OPHN1: variants seen among roughly 807,000 people sequenced by gnomAD.
OPHN1 encodes the protein oligophrenin 1.
In OPHN1, 11 loss-of-function variants were observed where a neutral mutation model predicts 60.7. The ratio of observed to expected loss-of-function variants is 0.18; its 90% CI spans 0.11 to 0.30. OPHN1 has a LOEUF of 0.30. OPHN1 is among the 10% of genes least tolerant of loss of function. The pLI, the probability that OPHN1 is intolerant of heterozygous loss-of-function variation, is 1.00. For synonymous variants in OPHN1, 226 were observed against 222.6 expected (o/e 1.02, Z -0.14); for missense variants, 449 against 611.0 (o/e 0.73, Z 2.80).
At chrX:68,051,442 C>A (rs1340315026) in intron 23 of OPHN1, among the ~76,000 whole-genome samples, 2 of 111,378 alleles carry the variant, frequency 1.8e-5, no homozygotes, top group African/African-American at 6.5e-5. Context: ...ATCATATTCC[C>A]AGGCCCCACT....
At chrX:68,275,610 A>G (rs2077988635) in intron 4 of OPHN1, among the ~76,000 whole-genome samples, 1 of 111,665 alleles carries the variant, frequency 9.0e-6, no homozygotes, top group African/African-American at 3.3e-5. Flanking sequence ...TTTGGGAATC[A>G]TTGCATTAAT....
At chrX:68,081,670 G>C (rs2076975065) in intron 19 of OPHN1, among the ~76,000 whole-genome samples, 1 of 111,893 alleles carries the variant, frequency 8.9e-6, no homozygotes, top group Non-Finnish European at 1.9e-5. Context: ...AAAAAATGCT[G>C]ACAATCACCA....
At position 68,063,943 on chromosome X, in the gene OPHN1, T is replaced by C. The variant is rs769419459; in HGVS notation, c.2069A>G (p.Asn690Ser). The C allele has an allele frequency of 7.5e-6, 9 of 1,203,984 alleles. No homozygotes were observed. Among genetic ancestry groups the C allele is most frequent in the Admixed American group, 2.2e-5 (1 of 45,389 alleles). The change falls in exon 21 of 25, where the codon AAT (asparagine) becomes AGT (serine). Residue 690 changes from asparagine (N) to serine (S), a missense_variant. This residue lies in a region of OPHN1 where 184 missense variants were observed against 160.5 expected (regional missense o/e 1.15). Coordinates refer to ENST00000355520, the MANE Select transcript of OPHN1 (RefSeq NM_002547.3). ...GGGCCCAGAGCCTGGCATGGGTCCA[T>C]TGGTGGCCTTTGGGGTGATCTTGGT... is the stretch of plus-strand genomic sequence containing the variant. ...GGTKITPKATNGPMPGSGPTK... is the reference protein window; with the variant it reads ...GGTKITPKATSGPMPGSGPTK...
At chrX:68,185,672 G>GA (rs1234343913) in intron 15 of OPHN1, among the ~76,000 whole-genome samples, 7 of 107,631 alleles carry the variant, frequency 6.5e-5, no homozygotes, top group African/African-American at 2.0e-4. Context: ...AAGAATAAGA[G>GA]AAAAAAAAAG....
intron 10 of OPHN1, among the ~76,000 whole-genome samples, chrX:68,203,558 A>C (rs1395185581): frequency 9.0e-6 from 1 of 111,178 alleles, no homozygotes. Context: ...AGTCTTTCAA[A>C]ATGAGAGTTA....
At chrX:68,084,838 G>T (rs1231315705) in intron 19 of OPHN1, among the ~76,000 whole-genome samples, 1 of 112,059 alleles carries the variant, frequency 8.9e-6, no homozygotes, top group East Asian at 2.8e-4. Flanking sequence ...CTCAGAGAAG[G>T]TGCTTGGTAG....
intron 12 of OPHN1, among the ~76,000 whole-genome samples, chrX:68,195,014 GGA>G (rs1569239694): frequency 6.5e-4 from 39 of 59,774 alleles, no homozygotes; most frequent in African/African-American, 3.4e-3. Flanking sequence ...AAGGAAGGAA[GGA>G]AGGAAGGAAG....
intron 4 of OPHN1, among the ~76,000 whole-genome samples, chrX:68,282,606 A>G (rs2078024082): frequency 8.9e-6 from 1 of 112,126 alleles, no homozygotes; most frequent in African/African-American, 3.2e-5. Flanking sequence ...AATGTATCAC[A>G]TTCACATGAT....
intron 6 of OPHN1, 27 bp from the exon 7 acceptor site, chrX:68,213,999 C>A: frequency 2.3e-6 from 2 of 879,407 alleles, no homozygotes; most frequent in South Asian, 4.2e-5. Flanking sequence ...ACAAACATTA[C>A]ATATTGGGAT....
intron 15 of OPHN1, among the ~76,000 whole-genome samples, chrX:68,184,572 T>C (rs917000828): frequency 9.0e-6 from 1 of 110,985 alleles, no homozygotes; most frequent in South Asian, 3.8e-4. Flanking sequence ...CAACACTGTA[T>C]TCAGATACAA....
chrX:68,253,214 C>A (rs904593726), intron 5 of OPHN1, among the ~76,000 whole-genome samples: 4 of 111,200 alleles, frequency 3.6e-5, no homozygotes, highest in Admixed American at 2.9e-4. Context: ...GTAAAATAAA[C>A]CATATAGTTC....
chrX:68,327,090 C>G (rs1227839742), intron 2 of OPHN1, among the ~76,000 whole-genome samples: 10 of 19,466 alleles, frequency 5.1e-4, no homozygotes, highest in East Asian at 2.6e-3. Context: ...CGCCTCTGCC[C>G]GGCCGCCCCT....
chrX:68,252,074 A>G (rs755249871), intron 5 of OPHN1, among the ~76,000 whole-genome samples: 5 of 111,514 alleles, frequency 4.5e-5, no homozygotes, highest in Non-Finnish European at 9.4e-5. Flanking sequence ...CTGCTTACCC[A>G]CCATGCACTT....
intron 5 of OPHN1, among the ~76,000 whole-genome samples, chrX:68,264,414 AAAAC>A (rs1214689929): frequency 8.9e-6 from 1 of 112,025 alleles, no homozygotes; most frequent in Non-Finnish European, 1.9e-5. Flanking sequence ...TTACAAGAAA[AAAAC>A]AAACAACCCC....
At chrX:68,219,677 A>G (rs2077641191) in intron 6 of OPHN1, among the ~76,000 whole-genome samples, 1 of 111,012 alleles carries the variant, frequency 9.0e-6, no homozygotes, top group Admixed American at 9.6e-5. Flanking sequence ...CTCCTGAATG[A>G]CTACTGGGTA....
At position 68,053,739 on chromosome X, in the gene OPHN1, G is replaced by T. The variant is rs751624974; in HGVS notation, c.2230C>A (p.Pro744Thr). 1 of 1,210,652 alleles carries T rather than the reference G, an allele frequency of 8.3e-7. No individual in the cohort carries two copies. Among genetic ancestry groups the T allele is most frequent in the Non-Finnish European group, 1.1e-6 (1 of 894,881 alleles). ...GCTGCCCGGCAGGGAGGATCTGGGG[G>T]CCTCACTGGGGGGCGGATGATGGTT... is the stretch of plus-strand genomic sequence containing the variant. ...KPTIIRPPVR[P>T]PDPPCRAATP... Residue 744 changes from proline to threonine, a missense_variant, in exon 22 of 25, where the codon CCC becomes ACC. Transcript: ENST00000355520.
At chrX:68,273,225 A>T (rs1197007755) in intron 5 of OPHN1, among the ~76,000 whole-genome samples, 1 of 112,168 alleles carries the variant, frequency 8.9e-6, no homozygotes, top group Non-Finnish European at 1.9e-5. Context: ...TGCTGTTTTC[A>T]AATTCTTGAT....
At chrX:68,419,978 T>C (rs2078818731) in intron 2 of OPHN1, among the ~76,000 whole-genome samples, 1 of 111,792 alleles carries the variant, frequency 8.9e-6, no homozygotes, top group Non-Finnish European at 1.9e-5. Context: ...GCAATTCTCC[T>C]TTAAAGACAT....
At chrX:68,378,130 G>A (rs1403906499) in intron 2 of OPHN1, among the ~76,000 whole-genome samples, 1 of 111,980 alleles carries the variant, frequency 8.9e-6, no homozygotes, top group Non-Finnish European at 1.9e-5. Context: ...ATTCTAACTG[G>A]TGTGAGATGG....
Sources: allele counts gnomAD v4.1 joint callset (sites outside exome capture counted in the v4.1 genomes callset), GRCh38; gene constraint gnomAD v4.1.1; regional missense constraint gnomAD v4.1.1; transcripts MANE v1.5; gene names NCBI Gene and HGNC (gene_info 2026-07-23, HGNC 2026-07-21).